The following PARP1 variants were observed in gnomAD, a reference collection of about 807,000 sequenced individuals.
The protein encoded by PARP1 is poly [ADP-ribose] polymerase 1.
Under a neutral mutation model 118.7 loss-of-function variants are expected in PARP1, and 44 were observed. The observed-to-expected ratio is 0.37, with a 90% CI of 0.29 to 0.48. The LOEUF is 0.48. Ranked by LOEUF, PARP1 falls within the 20% of genes least tolerant of loss-of-function variation. The pLI is 0.99. For missense variants in PARP1, 1,100 were observed against 1,272.4 expected, an observed-to-expected ratio of 0.86 and a Z score of 2.06; for synonymous variants, 492 against 483.2, an observed-to-expected ratio of 1.02 and a Z score of -0.24.
At chr1:226,391,680 G>A (rs1029491109) in intron 3 of PARP1, among the ~76,000 whole-genome samples, 5 of 152,168 alleles carry the variant, frequency 3.3e-5, no homozygotes, top group Admixed American at 2.0e-4. Context: ...TGCCTTAAAT[G>A]AATCAATTAA....
intron 19 of PARP1, 82 bp from the exon 20 acceptor site, chr1:226,364,152 A>C: frequency 7.4e-7 from 1 of 1,358,256 alleles, no homozygotes; most frequent in Non-Finnish European, 1.1e-6. Flanking sequence ...AACTTGAGCA[A>C]GCCACCCAGC....
At chr1:226,369,964 A>G (rs1664345152) in intron 15 of PARP1, among the ~76,000 whole-genome samples, 1 of 68,528 alleles carries the variant, frequency 1.5e-5, no homozygotes, top group East Asian at 2.6e-4. Flanking sequence ...TCAAAAAAGA[A>G]AAAGAAAGAA....
intron 8 of PARP1, among the ~76,000 whole-genome samples, chr1:226,382,203 G>A (rs1664622717): frequency 6.6e-6 from 1 of 152,224 alleles, no homozygotes. Flanking sequence ...AATAGACTAT[G>A]CCACATGTCT....
At chr1:226,393,200 T>C (rs1664852157) in intron 2 of PARP1, among the ~76,000 whole-genome samples, 1 of 152,088 alleles carries the variant, frequency 6.6e-6, no homozygotes, top group African/African-American at 2.4e-5. Context: ...GCAATAAACA[T>C]ACTGGAAAAG....
intron 1 of PARP1, among the ~76,000 whole-genome samples, chr1:226,403,695 C>A (rs1665083638): frequency 6.6e-6 from 1 of 152,182 alleles, no homozygotes; most frequent in East Asian, 1.9e-4. Context: ...TGATTTGACA[C>A]TATGATTCCT....
chr1:226,393,964 C>T (rs1386528625), intron 2 of PARP1, among the ~76,000 whole-genome samples: 1 of 152,110 alleles, frequency 6.6e-6, no homozygotes, highest in Non-Finnish European at 1.5e-5. Flanking sequence ...ATACAATAGA[C>T]AAAACTAAAA....
intron 14 of PARP1, among the ~76,000 whole-genome samples, chr1:226,373,890 G>A (rs1376860188): frequency 6.6e-6 from 1 of 152,078 alleles, no homozygotes; most frequent in East Asian, 1.9e-4. Flanking sequence ...GACTGAGGTG[G>A]GTGGATCACT....
intron 2 of PARP1, 47 bp downstream of exon 2, chr1:226,402,167 C>T (rs375144961): frequency 7.2e-5 from 116 of 1,614,048 alleles, no homozygotes; most frequent in Non-Finnish European, 9.4e-5. Context: ...CTCCTGGGAG[C>T]TTCAGGGTGG....
At chr1:226,382,382 C>T (rs937934754) in intron 8 of PARP1, among the ~76,000 whole-genome samples, 1 of 152,164 alleles carries the variant, frequency 6.6e-6, no homozygotes, top group African/African-American at 2.4e-5. Flanking sequence ...CGCAGGGCAG[C>T]CTGGAGAGTG....
chr1:226,368,742 A>T (rs3219119), intron 15 of PARP1, among the ~76,000 whole-genome samples: 82,369 of 149,478 alleles, frequency 0.55, 24,186 homozygotes, highest in Middle Eastern at 0.67. Flanking sequence ...TATAAAATTC[A>T]GTCAGGCTCC....
intron 7 of PARP1, 113 bp downstream of exon 7, chr1:226,385,388 AAAG>A: frequency 1.2e-6 from 1 of 842,674 alleles, no homozygotes; most frequent in Non-Finnish European, 2.0e-6. Context: ...ACGCAGCTGT[AAAG>A]AAGTCTGAGG....
At chr1:226,367,297 C>A in intron 17 of PARP1, 183 bp downstream of exon 17, 1 of 722,130 alleles carries the variant, frequency 1.4e-6, no homozygotes, top group East Asian at 2.7e-5. Flanking sequence ...CGTGAAACGC[C>A]CAAAGGTTCT....
intron 2 of PARP1, among the ~76,000 whole-genome samples, chr1:226,399,377 G>C (rs1664984178): frequency 6.6e-6 from 1 of 152,106 alleles, no homozygotes; most frequent in South Asian, 2.1e-4. Context: ...GCTCGACATG[G>C]AGGAATCTTA....
chr1:226,399,667 G>A (rs1184102028), intron 2 of PARP1, among the ~76,000 whole-genome samples: 1 of 152,138 alleles, frequency 6.6e-6, no homozygotes. Context: ...GTAAACTACA[G>A]ACCTCGAGGG....
chr1:226,367,189 A>G, intron 17 of PARP1: 1 of 454,710 alleles, frequency 2.2e-6, no homozygotes, highest in South Asian at 2.2e-5. Flanking sequence ...CAAACAAACA[A>G]AAAAGAACTT....
chr1:226,376,843 T>G (rs1004230940), intron 13 of PARP1, among the ~76,000 whole-genome samples: 2 of 152,232 alleles, frequency 1.3e-5, no homozygotes, highest in Non-Finnish European at 2.9e-5. Context: ...ATAGGGTTTC[T>G]GCATGTCTAT....
intron 5 of PARP1, among the ~76,000 whole-genome samples, chr1:226,386,781 G>A (rs1664725019): frequency 6.6e-6 from 1 of 152,104 alleles, no homozygotes; most frequent in Non-Finnish European, 1.5e-5. Context: ...CTGAGCCCAC[G>A]GCCCACGTTT....
rs753922770 is a variant in PARP1 at position 226,363,137 on chromosome 1, T to C, written c.2810A>G (p.His937Arg). 7 of 1,613,744 alleles carry C rather than the reference T, an allele frequency of 4.3e-6. No homozygotes were observed. The highest frequency in any genetic ancestry group is 1.6e-4 in the Middle Eastern group (1 of 6,062). ...GNMYELKHAS[H>R]ISKLPKGKHS... ...CTTGCCCTTGGGTAACTTGCTGATATGTGAAGCGTGCTTCAGTTCATACCT... is the reference window on the plus strand; with the variant it reads ...CTTGCCCTTGGGTAACTTGCTGATACGTGAAGCGTGCTTCAGTTCATACCT... Residue 937 changes from histidine (H) to arginine (R), a missense_variant, in exon 21 of 23, where the codon CAT becomes CGT. Transcript: ENST00000366794.
intron 16 of PARP1, among the ~76,000 whole-genome samples, chr1:226,367,844 C>T (rs1046264846): frequency 6.6e-5 from 10 of 152,172 alleles, no homozygotes; most frequent in African/African-American, 2.4e-4. Flanking sequence ...AACTGTCTTT[C>T]CTCTCGTACA....
Sources: gnomAD v4.1 joint callset for allele counts (sites outside exome capture counted in the v4.1 genomes callset) on GRCh38, gnomAD v4.1.1 for gene constraint, MANE v1.5 for transcripts, NCBI Gene and HGNC (gene_info 2026-07-23, HGNC 2026-07-21) for gene names.